CNBP: variants seen among roughly 807,000 people sequenced by gnomAD.
CNBP encodes the protein cellular nucleic acid-binding protein.
CNBP carries 6 observed loss-of-function variants against 21.2 expected under a neutral mutation model. The ratio of observed to expected loss-of-function variants is 0.28; its 90% CI spans 0.16 to 0.56. CNBP has a LOEUF of 0.56. CNBP is among the 20% of genes least tolerant of loss of function. The pLI is 0.93. For synonymous variants in CNBP, 61 were observed against 74.9 expected, an observed-to-expected ratio of 0.81 and a Z score of 0.96; for missense variants, 112 against 233.1, an observed-to-expected ratio of 0.48 and a Z score of 3.38.
intron 4 of CNBP, 36 bp downstream of exon 4, chr3:129,171,043 A>C (rs759081141): frequency 2.7e-5 from 43 of 1,576,500 alleles, no homozygotes; most frequent in Non-Finnish European, 3.5e-5. Context: ...GAATCTCTGC[A>C]ATGAGTTTTC....
chr3:129,176,976 C>T (rs1229248826), intron 1 of CNBP, among the ~76,000 whole-genome samples: 1 of 151,916 alleles, frequency 6.6e-6, no homozygotes, highest in African/African-American at 2.4e-5. Context: ...TAACACAATC[C>T]CCACGTGTGG....
chr3:129,172,877 A>C (rs2107637040), intron 1 of CNBP, among the ~76,000 whole-genome samples: 2 of 152,296 alleles, frequency 1.3e-5, no homozygotes, highest in South Asian at 4.1e-4. Context: ...CAAACCAATG[A>C]AGCTGTAAAA....
chr3:129,181,113 G>T (rs999215852), intron 1 of CNBP, among the ~76,000 whole-genome samples: 9 of 151,144 alleles, frequency 6.0e-5, no homozygotes, highest in African/African-American at 2.2e-4. Flanking sequence ...GGTGGCACAC[G>T]CCTGTAATCC....
intron 1 of CNBP, among the ~76,000 whole-genome samples, chr3:129,174,356 A>AC (rs1032589941): frequency 6.8e-6 from 1 of 146,810 alleles, no homozygotes; most frequent in Non-Finnish European, 1.5e-5. Context: ...AATTAAAAAA[A>AC]AAAAAAAAAA....
chr3:129,173,274 G>A (rs999187474), intron 1 of CNBP, among the ~76,000 whole-genome samples: 5 of 152,186 alleles, frequency 3.3e-5, no homozygotes, highest in African/African-American at 4.8e-5. Context: ...GGGAAGATGT[G>A]CAAAGGTTGT....
At position 129,170,578 on chromosome 3, in the gene CNBP, A is replaced by G; in HGVS notation, c.417-8T>C. The G allele has an allele frequency of 1.9e-6, 3 of 1,611,582 alleles. No homozygotes were observed. Among genetic ancestry groups the G allele is most frequent in the Non-Finnish European group, 2.5e-6 (3 of 1,177,690 alleles). On this transcript the variant is annotated splice_polypyrimidine_tract_variant and splice_region_variant and intron_variant, in intron 4 of 4. Coordinates refer to ENST00000422453, the MANE Select transcript of CNBP (RefSeq NM_003418.5). The stretch of plus-strand genomic sequence containing the variant: ...TGACCAGTTTCACCACACCTAAAAA[A>G]GAAATTAAAAGTTTTCACAATGGGC...
At chr3:129,179,204 G>C (rs1041929305) in intron 1 of CNBP, among the ~76,000 whole-genome samples, 2 of 151,946 alleles carry the variant, frequency 1.3e-5, no homozygotes, top group South Asian at 2.1e-4. Context: ...TTGAACCCGG[G>C]AGGCAGAGGT....
At chr3:129,178,720 T>G (rs920624984) in intron 1 of CNBP, among the ~76,000 whole-genome samples, 2 of 152,134 alleles carry the variant, frequency 1.3e-5, no homozygotes, top group Non-Finnish European at 2.9e-5. Context: ...GTCAGTTTAC[T>G]GTCCCAACAT....
intron 1 of CNBP, among the ~76,000 whole-genome samples, chr3:129,172,393 C>T (rs1937589592): frequency 6.6e-6 from 1 of 151,750 alleles, no homozygotes; most frequent in African/African-American, 2.4e-5. Context: ...ACCAGTCTGG[C>T]CAACATGGCG....
chr3:129,172,648 G>C lies in CNBP; in HGVS notation c.-14-877C>G, dbSNP rs138379722. Among the ~76,000 whole-genome samples the C allele has an allele frequency of 6.7e-4, 74 of 110,508 alleles. 1 individual carries two copies. Among genetic ancestry groups the C allele is most frequent in the African/African-American group, 2.4e-3 (69 of 28,758 alleles). The allele number at this position is 110,508 out of a possible 152,430, so 72.5% of individuals were successfully genotyped here. On this transcript the variant is annotated intron_variant, in intron 1 of 4. Transcript: ENST00000422453. Reference sequence around the variant, plus strand: ...GCCAGGCAGGCAGGCAGGCAGGCAGGCAGGCAGGCAGACAGACAGACAGAC... The same window carrying C: ...GCCAGGCAGGCAGGCAGGCAGGCAGCCAGGCAGGCAGACAGACAGACAGAC...
intron 1 of CNBP, among the ~76,000 whole-genome samples, chr3:129,180,968 G>A (rs758248387): frequency 6.6e-5 from 10 of 151,762 alleles, no homozygotes; most frequent in Non-Finnish European, 1.5e-4. Context: ...GGCAAGGCAC[G>A]GTGGCTCAGG....
chr3:129,168,962 C>A lies in CNBP; in HGVS notation c.*1491G>T, dbSNP rs925853803. 6.7e-6 allele frequency among the ~76,000 whole-genome samples: 1 copy of A among 150,238 alleles called. No individual in the cohort carries two copies. Among genetic ancestry groups the A allele is most frequent in the African/African-American group, 2.4e-5 (1 of 40,876 alleles). ...ATACAAAAAAAAAAAATTAGCTGGG[C>A]GCGGTGGCGGGTACCTGTAGCCCCA... On this transcript the variant is annotated 3_prime_UTR_variant, in exon 5 of 5. Transcript: ENST00000422453.
Position 129,181,651 on chromosome 3 carries a change from G to GAAAA in CNBP, c.-15+2121_-15+2124dup, listed in dbSNP as rs371274750. Among the ~76,000 whole-genome samples the GAAAA allele has an allele frequency of 8.7e-5, 10 of 115,342 alleles. 1 individual carries two copies. Among genetic ancestry groups the GAAAA allele is most frequent in the Non-Finnish European group, 1.0e-4 (6 of 59,368 alleles). The allele number at this position is 115,342 out of a possible 152,430, so 75.7% of individuals were successfully genotyped here. On this transcript the variant is annotated intron_variant, in intron 1 of 4. Transcript: ENST00000422453. Reference sequence around the variant, plus strand: ...GGCGACAGAGTGAGACTCCGTCTCAGAAAAAAAAAAAGAAAAACCCCTGGT... The same window carrying GAAAA: ...GGCGACAGAGTGAGACTCCGTCTCAGAAAAAAAAAAAAAAAGAAAAACCCCTGGT...
intron 1 of CNBP, among the ~76,000 whole-genome samples, chr3:129,182,711 G>A (rs538931653): frequency 2.8e-4 from 42 of 152,236 alleles, no homozygotes; most frequent in African/African-American, 9.4e-4. Flanking sequence ...TGGTAATGGC[G>A]CTTTTAAAGG....
intron 1 of CNBP, among the ~76,000 whole-genome samples, chr3:129,177,416 C>A (rs184417992): frequency 1.3e-5 from 2 of 152,254 alleles, no homozygotes; most frequent in African/African-American, 4.8e-5. Flanking sequence ...ATCTGACTAC[C>A]CATCTGTGTC....
chr3:129,180,993 A>C (rs1938247822), intron 1 of CNBP, among the ~76,000 whole-genome samples: 1 of 151,920 alleles, frequency 6.6e-6, no homozygotes, highest in Non-Finnish European at 1.5e-5. Context: ...TAATCCCAGC[A>C]CTTTGGGAGG....
chr3:129,174,063 T>C (rs539755949), intron 1 of CNBP, among the ~76,000 whole-genome samples: 4 of 152,290 alleles, frequency 2.6e-5, no homozygotes, highest in South Asian at 2.1e-4. Flanking sequence ...ACCCCAACTC[T>C]GTGTAATCTG....
chr3:129,171,417 G>A (rs766662321), intron 3 of CNBP, 29 bp downstream of exon 3: 4 of 1,601,104 alleles, frequency 2.5e-6, no homozygotes, highest in Admixed American at 1.7e-5. Context: ...GCTCTAGAGG[G>A]GTATGAAAAG....
At chr3:129,180,067 A>G (rs1184445449) in intron 1 of CNBP, among the ~76,000 whole-genome samples, 3 of 152,158 alleles carry the variant, frequency 2.0e-5, no homozygotes, top group Non-Finnish European at 4.4e-5. Context: ...TGCTATCGTA[A>G]TATATGACAA....
Sources: allele counts gnomAD v4.1 joint callset (sites outside exome capture counted in the v4.1 genomes callset), GRCh38; gene constraint gnomAD v4.1.1; transcripts MANE v1.5; gene names NCBI Gene and HGNC (gene_info 2026-07-23, HGNC 2026-07-21).